DPP6: variants seen among roughly 807,000 people sequenced by gnomAD.
DPP6 encodes dipeptidyl peptidase like 6, also known as A-type potassium channel modulatory protein DPP6.
In DPP6, 69 loss-of-function variants were observed where a neutral mutation model predicts 122.6. The ratio of observed to expected loss-of-function variants is 0.56; its 90% CI spans 0.46 to 0.69. The LOEUF is 0.69. DPP6 is among the 30% of genes least tolerant of loss of function. The pLI, the probability that DPP6 is intolerant of heterozygous loss-of-function variation, is 0.00. For synonymous variants in DPP6, 418 were observed against 433.1 expected (o/e 0.97, Z 0.43); for missense variants, 928 against 1,116.9 (o/e 0.83, Z 2.41).
At chr7:154,519,348 T>C (rs569724389) in intron 3 of DPP6, among the ~76,000 whole-genome samples, 1 of 152,186 alleles carries the variant, frequency 6.6e-6, no homozygotes, top group Non-Finnish European at 1.5e-5. Context: ...GCCAGCCAAA[T>C]TCAGACTCAC....
intron 1 of DPP6, among the ~76,000 whole-genome samples, chr7:154,212,611 G>A (rs1004688579): frequency 3.3e-5 from 5 of 152,138 alleles, no homozygotes; most frequent in East Asian, 3.9e-4. Context: ...TCGAGGTCTC[G>A]GAGCTCAATC....
intron 1 of DPP6, among the ~76,000 whole-genome samples, chr7:153,960,666 GGTGTGTATGT>G (rs1795305352): frequency 2.1e-5 from 2 of 96,752 alleles, no homozygotes; most frequent in Admixed American, 1.3e-4. Flanking sequence ...TGTGTGTGCG[GGTGTGTATGT>G]GTGTACATGC....
intron 1 of DPP6, among the ~76,000 whole-genome samples, chr7:154,228,218 G>T (rs1432707735): frequency 6.6e-6 from 1 of 152,144 alleles, no homozygotes; most frequent in Non-Finnish European, 1.5e-5. Context: ...AGTGACTTTT[G>T]TCCCTATGAA....
chr7:154,676,300 A>G (rs1412161426), intron 7 of DPP6, among the ~76,000 whole-genome samples: 1 of 136,986 alleles, frequency 7.3e-6, no homozygotes, highest in East Asian at 2.1e-4. Flanking sequence ...GCCCTTCCCC[A>G]TGTGACCTGC....
chr7:154,002,061 C>T, intron 1 of DPP6, among the ~76,000 whole-genome samples: 1 of 152,176 alleles, frequency 6.6e-6, no homozygotes, highest in Non-Finnish European at 1.5e-5. Flanking sequence ...TGCCACTCTA[C>T]CAACCCTTTT....
At chr7:153,971,337 A>C (rs1796004899) in intron 1 of DPP6, among the ~76,000 whole-genome samples, 1 of 151,618 alleles carries the variant, frequency 6.6e-6, no homozygotes, top group Non-Finnish European at 1.5e-5. Context: ...TACATTTCTT[A>C]GGATTTTCTA....
chr7:154,779,022 TCACCTCC>T (rs1796806312), intron 10 of DPP6, among the ~76,000 whole-genome samples: 2 of 83,058 alleles, frequency 2.4e-5, no homozygotes, highest in African/African-American at 1.0e-4. Context: ...CACCCCACCA[TCACCTCC>T]ACCACCACCA....
intron 7 of DPP6, among the ~76,000 whole-genome samples, chr7:154,716,936 C>T (rs767531779): frequency 1.2e-4 from 18 of 152,086 alleles, no homozygotes; most frequent in South Asian, 2.1e-4. Flanking sequence ...CAGGTTCAAG[C>T]GATTCTCCTG....
chr7:154,806,246 G>C (rs1167199087), intron 15 of DPP6, among the ~76,000 whole-genome samples: 1 of 152,220 alleles, frequency 6.6e-6, no homozygotes, highest in Non-Finnish European at 1.5e-5. Flanking sequence ...TGGAACAACA[G>C]ACTTCATATT....
intron 1 of DPP6, among the ~76,000 whole-genome samples, chr7:154,268,536 TG>T (rs1264488114): frequency 1.3e-5 from 2 of 152,204 alleles, no homozygotes; most frequent in Admixed American, 6.5e-5. Context: ...CCGGAGGCCT[TG>T]CCTCCTAACA....
chr7:154,186,679 CA>C (rs1048674015), intron 1 of DPP6, among the ~76,000 whole-genome samples: 2 of 152,246 alleles, frequency 1.3e-5, no homozygotes, highest in Non-Finnish European at 2.9e-5. Context: ...GTCACCAACA[CA>C]GTCCAGATGA....
intron 8 of DPP6, among the ~76,000 whole-genome samples, chr7:154,739,657 G>A (rs907091680): frequency 7.7e-6 from 1 of 130,238 alleles, no homozygotes; most frequent in Non-Finnish European, 1.6e-5. Context: ...CGCAAGGAGA[G>A]CCATCAGAAC....
intron 1 of DPP6, among the ~76,000 whole-genome samples, chr7:154,162,239 G>A (rs1797019964): frequency 6.6e-6 from 1 of 151,924 alleles, no homozygotes; most frequent in African/African-American, 2.4e-5. Context: ...TCTGAGTGGA[G>A]GGAGGCCTTG....
chr7:154,439,014 G>T (rs559634708), intron 1 of DPP6, among the ~76,000 whole-genome samples: 1 of 152,150 alleles, frequency 6.6e-6, no homozygotes, highest in South Asian at 2.1e-4. Context: ...CCTCTGTACC[G>T]TGCTGGAACA....
intron 21 of DPP6, chr7:154,884,039 CCTG>C (rs1373079393): frequency 6.7e-6 from 1 of 149,478 alleles, no homozygotes; most frequent in Non-Finnish European, 1.5e-5. Context: ...CTCACACACA[CCTG>C]CTCACACATA....
chr7:154,398,320 G>A (rs184349956), intron 1 of DPP6, among the ~76,000 whole-genome samples: 36 of 152,280 alleles, frequency 2.4e-4, no homozygotes, highest in African/African-American at 8.7e-4. Flanking sequence ...CAACTAATTA[G>A]TAACAGAATT....
chr7:154,746,245 T>A (rs891318775), intron 8 of DPP6, among the ~76,000 whole-genome samples: 1 of 152,124 alleles, frequency 6.6e-6, no homozygotes, highest in Non-Finnish European at 1.5e-5. Flanking sequence ...ACAAAAAGAC[T>A]GTCTACTTAG....
chr7:154,433,090 G>T (rs1056800359), intron 1 of DPP6, among the ~76,000 whole-genome samples: 2 of 146,474 alleles, frequency 1.4e-5, no homozygotes, highest in Admixed American at 6.8e-5. Flanking sequence ...CCAGGTTACA[G>T]ATATAACAAG....
At chr7:154,148,412 A>T (rs1191969251) in intron 1 of DPP6, among the ~76,000 whole-genome samples, 1 of 150,936 alleles carries the variant, frequency 6.6e-6, no homozygotes, top group Admixed American at 6.6e-5. Flanking sequence ...GGGAACCGGG[A>T]GGTGTTCCGC....
Sources: gnomAD v4.1 joint callset for allele counts (sites outside exome capture counted in the v4.1 genomes callset) on GRCh38, gnomAD v4.1.1 for gene constraint, MANE v1.5 for transcripts, NCBI Gene and HGNC (gene_info 2026-07-23, HGNC 2026-07-21) for gene names.